Variants in ZNF451 observed in about 807,000 individuals in gnomAD.
ZNF451 encodes zinc finger protein 451, also known as E3 SUMO-protein ligase ZNF451.
Under a neutral mutation model 107.1 loss-of-function variants are expected in ZNF451, and 80 were observed. The ratio of observed to expected loss-of-function variants is 0.75; its 90% confidence interval spans 0.62 to 0.90. The LOEUF (loss-of-function observed/expected upper bound fraction) is 0.90. Among genes scored for constraint, ZNF451 ranks in the 40% least tolerant of loss-of-function variants. The pLI is 0.00. For synonymous variants in ZNF451, 362 were observed against 406.5 expected, an observed-to-expected ratio of 0.89 and a Z score of 1.32; for missense variants, 1,107 against 1,236.2, an observed-to-expected ratio of 0.90 and a Z score of 1.57.
rs1390628451 is a variant in ZNF451 at position 57,148,393 on chromosome 6, A to G, written c.2308A>G (p.Thr770Ala). Residue 770 changes from threonine to alanine, a missense_variant, in exon 10 of 15, where the codon ACT (threonine) becomes GCT (alanine). Thr to Ala is a moderately conservative substitution (Grantham distance 58). This residue lies in a region of ZNF451 where 608 missense variants were observed against 649.2 expected (regional missense o/e 0.94). Coordinates refer to ENST00000370706, the MANE Select transcript of ZNF451 (RefSeq NM_001031623.3). ...AGCACAGAATTTAACCGACATGAAC[A>G]CTCATATCCATCAAGTGCACAAAGA... ...ATAQNLTDMNTHIHQVHKEKS... is the reference protein window; with the variant it reads ...ATAQNLTDMNAHIHQVHKEKS... 5 of 1,613,860 alleles carry G rather than the reference A, an allele frequency of 3.1e-6. No homozygotes were observed. Among genetic ancestry groups the G allele is most frequent in the South Asian group, 1.1e-5 (1 of 91,036 alleles).
intron 3 of ZNF451, 34 bp from the exon 4 acceptor site, chr6:57,124,699 TG>T (rs1830837070): frequency 6.9e-7 from 1 of 1,448,656 alleles, no homozygotes; most frequent in African/African-American, 1.4e-5. Context: ...ATGCTAATTT[TG>T]TTAAAAGGAA....
At chr6:57,131,470 A>G (rs574547477) in intron 5 of ZNF451, among the ~76,000 whole-genome samples, 1 of 152,286 alleles carries the variant, frequency 6.6e-6, no homozygotes, top group South Asian at 2.1e-4. Context: ...GGACAATTAT[A>G]ACAGTTTTCA....
intron 5 of ZNF451, 40 bp from the exon 6 acceptor site, chr6:57,133,002 C>G: frequency 1.2e-6 from 2 of 1,608,362 alleles, no homozygotes; most frequent in Non-Finnish European, 1.7e-6. Flanking sequence ...GGATAAGTAT[C>G]TGAAATAATA....
At chr6:57,105,074 G>A (rs1175935587) in intron 3 of ZNF451, 106 of 985,332 alleles carry the variant, frequency 1.1e-4, no homozygotes, top group Non-Finnish European at 1.3e-4. Flanking sequence ...ATTTGGTCTA[G>A]GGAGATTACC....
intron 9 of ZNF451, 60 bp downstream of exon 9, chr6:57,142,155 C>G: frequency 8.2e-6 from 12 of 1,469,370 alleles, no homozygotes; most frequent in Non-Finnish European, 1.1e-5. Context: ...TGAGAAGATT[C>G]AACAAATACA....
intron 3 of ZNF451, chr6:57,104,022 T>C (rs1829730648): frequency 4.1e-6 from 4 of 985,118 alleles, no homozygotes; most frequent in Non-Finnish European, 4.8e-6. Flanking sequence ...AAACTTGAAC[T>C]AGTCTTAATA....
chr6:57,148,734 T>G (rs535757547), intron 10 of ZNF451, 41 bp downstream of exon 10: 1 of 1,518,028 alleles, frequency 6.6e-7, no homozygotes, highest in African/African-American at 1.4e-5. Context: ...TATACTGATA[T>G]TGAAACTTAC....
At chr6:57,108,381 T>G (rs1829965534) in intron 3 of ZNF451, 12 of 985,306 alleles carry the variant, frequency 1.2e-5, no homozygotes, top group Non-Finnish European at 1.3e-5. Context: ...TCACACTACC[T>G]TGATTTATAA....
chr6:57,126,317 C>A (rs1830925968), intron 4 of ZNF451, among the ~76,000 whole-genome samples: 1 of 151,900 alleles, frequency 6.6e-6, no homozygotes. Context: ...AAGCTCATTG[C>A]TTGCTATCCA....
intron 3 of ZNF451, chr6:57,108,059 C>T (rs1478279131): frequency 1.4e-6 from 1 of 705,854 alleles, no homozygotes; most frequent in Non-Finnish European, 1.7e-6. Context: ...CAGGTGGTCT[C>T]AATCTCCTGA....
chr6:57,152,487 G>T (rs1593164923), intron 12 of ZNF451, 136 bp downstream of exon 12: 2 of 977,446 alleles, frequency 2.0e-6, no homozygotes, highest in East Asian at 4.9e-5. Flanking sequence ...ATGAAGGCAG[G>T]ACCCCATAGC....
rs765458443 is a variant in ZNF451, at chr6:57,147,725, T to C, written c.1640T>C (p.Met547Thr). 3 of 1,613,996 alleles carry C rather than the reference T, an allele frequency of 1.9e-6. No individual in the cohort carries two copies. The highest frequency in any genetic ancestry group is 2.2e-5 in the East Asian group (1 of 44,888). Reference sequence around the variant, plus strand: ...GAGTTAACAAGGAAAGATACTATCATGGCACATGTGACTGAATTTCATAAT... The same window carrying C: ...GAGTTAACAAGGAAAGATACTATCACGGCACATGTGACTGAATTTCATAAT... ...KKELTRKDTI[M>T]AHVTEFHNGH... Residue 547 changes from methionine to threonine, a missense_variant, in exon 10 of 15, where the codon ATG becomes ACG. Around this residue, in one of 5 missense-constraint regions of ZNF451, gnomAD observed 608 missense variants for 649.2 expected, o/e 0.94. Transcript: ENST00000370706.
chr6:57,140,878 A>G (rs915309747), intron 7 of ZNF451, among the ~76,000 whole-genome samples: 52 of 152,168 alleles, frequency 3.4e-4, no homozygotes, highest in Non-Finnish European at 2.1e-4. Context: ...CCTTATTTCT[A>G]TGTGTCTTTG....
chr6:57,147,668 A>C lies in ZNF451; in HGVS notation c.1583A>C (p.Asn528Thr). Residue 528 changes from asparagine to threonine, a missense_variant, in exon 10 of 15, where the codon AAC becomes ACC. Asn to Thr is a moderately conservative substitution (Grantham distance 65). Coordinates refer to ENST00000370706, the MANE Select transcript of ZNF451 (RefSeq NM_001031623.3). The stretch of plus-strand genomic sequence containing the variant: ...ATTCACGGAGGGGCACATTTAAATA[A>C]CTTTCTTTTCTGGTGTCGGACATGC... Reference protein sequence around the residue: ...SRIHGGAHLNNFLFWCRTCKK... With the variant: ...SRIHGGAHLNTFLFWCRTCKK... The C allele has an allele frequency of 6.2e-7, 1 of 1,614,154 alleles. No individual in the cohort carries two copies. The highest frequency in any genetic ancestry group is 8.5e-7 in the Non-Finnish European group (1 of 1,179,984).
intron 7 of ZNF451, among the ~76,000 whole-genome samples, chr6:57,135,135 A>C (rs765303599): frequency 6.6e-6 from 1 of 152,164 alleles, no homozygotes; most frequent in Non-Finnish European, 1.5e-5. Context: ...ACCTTGTTCA[A>C]GATGCTCTGA....
chr6:57,098,990 A>G, intron 2 of ZNF451, 71 bp from the exon 3 acceptor site: 1 of 1,251,206 alleles, frequency 8.0e-7, no homozygotes, highest in Middle Eastern at 2.1e-4. Context: ...CAAAAAAAAC[A>G]CTGTAGGTTT....
chr6:57,159,148 ATAAG>A (rs1327693020), intron 13 of ZNF451: 5 of 985,278 alleles, frequency 5.1e-6, no homozygotes, highest in African/African-American at 3.5e-5. Context: ...GGTACTGAAA[ATAAG>A]AAAGAATATT....
At chr6:57,112,624 C>T (rs1830163352) in intron 3 of ZNF451, among the ~76,000 whole-genome samples, 1 of 152,072 alleles carries the variant, frequency 6.6e-6, no homozygotes, top group African/African-American at 2.4e-5. Flanking sequence ...GCAGAAAGTG[C>T]CTATGATGAG....
chr6:57,148,157 G>T lies in ZNF451; in HGVS notation c.2072G>T (p.Ser691Ile). The change falls in exon 10 of 15, where the codon AGC becomes ATC. Residue 691 changes from serine to isoleucine, a missense_variant. Ser to Ile is a moderately radical substitution (Grantham distance 142). This residue lies in a region of ZNF451 where 608 missense variants were observed against 649.2 expected (regional missense o/e 0.94). Coordinates refer to ENST00000370706, the MANE Select transcript of ZNF451 (RefSeq NM_001031623.3). ...CTGAGTCATTATGAGGAGCACCACA[G>T]CATAGATTATGTATTTGTGTCAGAA... ...AFLSHYEEHH[S>I]IDYVFVSEKT... 6.2e-7 allele frequency: 1 copy of T among 1,614,074 alleles called. No individual in the cohort carries two copies.
Sources: gnomAD v4.1 joint callset for allele counts (sites outside exome capture counted in the v4.1 genomes callset) on GRCh38, gnomAD v4.1.1 for gene constraint, gnomAD v4.1.1 regional missense constraint, MANE v1.5 for transcripts, NCBI Gene and HGNC (gene_info 2026-07-23, HGNC 2026-07-21) for gene names.